Variants in PLA2G4B observed in about 807,000 individuals in gnomAD.
PLA2G4B encodes the protein phospholipase A2 group IVB, also known as cytosolic phospholipase A2 beta.
In PLA2G4B, 122 loss-of-function variants were observed where a neutral mutation model predicts 95.8. The observed-to-expected ratio is 1.27, with a 90% CI of 1.10 to 1.48. The LOEUF is 1.48. Among genes scored for constraint, PLA2G4B ranks in the 40% most tolerant of loss-of-function variants. The pLI, the probability that PLA2G4B is intolerant of heterozygous loss-of-function variation, is 0.00. For synonymous variants in PLA2G4B, 518 were observed against 421.5 expected (o/e 1.23, Z -2.80); for missense variants, 1,158 against 996.2 (o/e 1.16, Z -2.19).
At chr15:41,844,714 C>G (rs1033288640) in intron 12 of PLA2G4B, 107 bp downstream of exon 12, 2 of 1,584,488 alleles carry the variant, frequency 1.3e-6, no homozygotes, top group Non-Finnish European at 1.7e-6. Flanking sequence ...AATGAATGTG[C>G]CAGGGAGAAA....
intron 8 of PLA2G4B, 56 bp downstream of exon 8, chr15:41,842,005 C>T (rs2065440545): frequency 7.6e-6 from 12 of 1,580,244 alleles, no homozygotes; most frequent in South Asian, 1.2e-5. Context: ...CCTCCCTCTG[C>T]ACCTCCTCCC....
Position 41,840,765 on chromosome 15 carries a change from C to A in PLA2G4B, c.220-9C>A. 1 of 1,613,126 alleles carries A rather than the reference C, an allele frequency of 6.2e-7. No homozygotes were observed. The highest frequency in any genetic ancestry group is 8.5e-7 in the Non-Finnish European group (1 of 1,179,324). On this transcript the variant is annotated splice_polypyrimidine_tract_variant and intron_variant, in intron 3 of 19. Coordinates refer to ENST00000458483, the MANE Select transcript of PLA2G4B (RefSeq NM_001114633.2). ...CCTCCTGCAGCCCTGTCACTCTTTT[C>A]CCCTCCAGAATGTCATGGAACTGAA...
intron 11 of PLA2G4B, 110 bp from the exon 12 acceptor site, chr15:41,844,361 C>A: frequency 1.3e-6 from 2 of 1,551,508 alleles, no homozygotes; most frequent in Non-Finnish European, 1.8e-6. Context: ...GACCTGTGAT[C>A]AGGCCTTAGC....
rs981223433 is a variant in PLA2G4B at position 41,845,275 on chromosome 15, G to A, written c.1312G>A (p.Ala438Thr). The A allele has an allele frequency of 3.1e-6, 5 of 1,614,068 alleles. No individual in the cohort carries two copies. The highest frequency in any genetic ancestry group is 2.7e-5 in the African/African-American group (2 of 74,936). ...HGQNPLPIYC[A>T]LNTKGQSLTT... Reference sequence around the variant, plus strand: ...CCAGAACCCTCTGCCCATCTACTGTGCCCTCAACACCAAAGGGCAGAGCCT... The same window carrying A: ...CCAGAACCCTCTGCCCATCTACTGTACCCTCAACACCAAAGGGCAGAGCCT... The change falls in exon 14 of 20, where the codon GCC (alanine) becomes ACC (threonine). Residue 438 changes from alanine to threonine, a missense_variant. Coordinates refer to ENST00000458483, the MANE Select transcript of PLA2G4B (RefSeq NM_001114633.2).
chr15:41,848,039 A>C lies in PLA2G4B; in HGVS notation c.*179A>C, dbSNP rs1263193883. Reference sequence around the variant, plus strand: ...CAGTTTGCAGTGGGGTAAGGAGGCCAAGCCCATTTGTGTAATCACCCAAAA... The same window carrying C: ...CAGTTTGCAGTGGGGTAAGGAGGCCCAGCCCATTTGTGTAATCACCCAAAA... On this transcript the variant is annotated 3_prime_UTR_variant, in exon 20 of 20. Transcript: ENST00000458483. 3.7e-6 allele frequency: 3 copies of C among 819,284 alleles called. No homozygotes were observed. Among genetic ancestry groups the C allele is most frequent in the East Asian group, 2.7e-5 (1 of 37,270 alleles). 50.8% of individuals were successfully genotyped at this position (819,284 alleles called of 1,614,324 possible). A position where few individuals can be genotyped will look rare whatever the true frequency, so the allele number is the denominator to read the frequency against.
Position 41,843,735 on chromosome 15 carries a change from T to A in PLA2G4B, c.803T>A (p.Leu268Gln), listed in dbSNP as rs1215316608. The A allele has an allele frequency of 1.2e-6, 2 of 1,613,966 alleles. No individual in the cohort carries two copies. The highest frequency in any genetic ancestry group is 2.7e-5 in the African/African-American group (2 of 74,942). Residue 268 changes from leucine (L) to glutamine (Q), a missense_variant, in exon 11 of 20, where the codon CTG becomes CAG. Leu to Gln is a moderately radical substitution (Grantham distance 113). Coordinates refer to ENST00000458483, the MANE Select transcript of PLA2G4B (RefSeq NM_001114633.2). ...CCCTGTGCAGAGGAGCAGGCCTTCCTGAGCAGGAGGAAGCAGGTGGTGGCC... is the reference window on the plus strand; with the variant it reads ...CCCTGTGCAGAGGAGCAGGCCTTCCAGAGCAGGAGGAAGCAGGTGGTGGCC... ...FGPCAEEQAF[L>Q]SRRKQVVAAA... is the part of the protein sequence containing the mutation.
chr15:41,846,741 A>G lies in PLA2G4B; in HGVS notation c.1853A>G (p.Tyr618Cys), dbSNP rs777923616. The change falls in exon 18 of 20, where the codon TAC (tyrosine) becomes TGC (cysteine). Residue 618 changes from tyrosine (Y) to cysteine (C), a missense_variant. Coordinates refer to ENST00000458483, the MANE Select transcript of PLA2G4B (RefSeq NM_001114633.2). ...EPHLCLLDVG[Y>C]LINTSCLPLL... ...CACCTGTGCCTGCTGGATGTTGGCT[A>G]CCTCATCAATACCAGCTGCCTGCCC... is the stretch of plus-strand genomic sequence containing the variant. 1.9e-6 allele frequency: 3 copies of G among 1,613,756 alleles called. No homozygotes were observed. The highest frequency in any genetic ancestry group is 1.1e-5 in the South Asian group (1 of 91,058).
intron 10 of PLA2G4B, 56 bp from the exon 11 acceptor site, chr15:41,843,620 T>A: frequency 1.3e-6 from 2 of 1,584,558 alleles, no homozygotes; most frequent in Middle Eastern, 1.7e-4. Flanking sequence ...GACCCAGCTT[T>A]CCATTCTCTG....
At chr15:41,840,349 A>T in intron 2 of PLA2G4B, 119 bp downstream of exon 2, 1 of 1,571,028 alleles carries the variant, frequency 6.4e-7, no homozygotes, top group Non-Finnish European at 8.6e-7. Context: ...GGCCTAGAGG[A>T]GGGAGCTGAG....
rs1334685941 is a variant in PLA2G4B, at chr15:41,847,584, T to C, written c.2134+61T>C. The C allele has an allele frequency of 2.5e-6, 4 of 1,610,162 alleles. No homozygotes were observed. The East Asian group carries it at 6.7e-5, about 27-fold the overall frequency. On this transcript the variant is annotated intron_variant, in intron 19 of 19. Transcript: ENST00000458483. ...AGTCCCCCACACCTCCTCCGTCCCCTGTGCCTCTCCAAACCTGTCTTCCCC... is the reference window on the plus strand; with the variant it reads ...AGTCCCCCACACCTCCTCCGTCCCCCGTGCCTCTCCAAACCTGTCTTCCCC...
At position 41,839,020 on chromosome 15, in the gene PLA2G4B, G is replaced by C. The variant is rs1324157915; in HGVS notation, c.9+98G>C. 18 of 1,000,174 alleles carry C rather than the reference G, an allele frequency of 1.8e-5. No homozygotes were observed. The South Asian group carries it at 2.6e-4, about 15-fold the overall frequency. 62.0% of individuals were successfully genotyped at this position (1,000,174 alleles called of 1,614,324 possible). A position where few individuals can be genotyped will look rare whatever the true frequency, so the allele number is the denominator to read the frequency against. On this transcript the variant is annotated intron_variant, in intron 1 of 19. Coordinates refer to ENST00000458483, the MANE Select transcript of PLA2G4B (RefSeq NM_001114633.2). Reference sequence around the variant, plus strand: ...TTATGGGAGCTGTGGTCTTCTCCAGGGGTAGGGAGGGGAGTTTATTGACCA... The same window carrying C: ...TTATGGGAGCTGTGGTCTTCTCCAGCGGTAGGGAGGGGAGTTTATTGACCA...
rs1595425823 is a variant in PLA2G4B at position 41,846,525 on chromosome 15, C to T, written c.1780+143C>T. ...GGAACAGGGGTCTTTTTCTCCTTGT[C>T]TTGGGGACCCAGGGCCCACCTGCAG... On this transcript the variant is annotated intron_variant, in intron 17 of 19. Coordinates refer to ENST00000458483, the MANE Select transcript of PLA2G4B (RefSeq NM_001114633.2). 13 of 1,503,600 alleles carry T rather than the reference C, an allele frequency of 8.6e-6. No homozygotes were observed. In the East Asian group the frequency reaches 1.6e-4, roughly 18 times the overall value. The allele number at this position is 1,503,600 out of a possible 1,614,324, so 93.1% of individuals were successfully genotyped here.
In PLA2G4B at chr15:41,843,702, G is replaced by A. The variant is rs1262067452; in HGVS notation, c.770G>A (p.Gly257Asp). ...AGLRELAVRL[G>D]FGPCAEEQAF... is the part of the protein sequence containing the mutation. ...CTGAGGGAGCTGGCCGTGCGACTGG[G>A]CTTCGGGCCCTGTGCAGAGGAGCAG... Residue 257 changes from glycine (G) to aspartate (D), a missense_variant, in exon 11 of 20, where the codon GGC becomes GAC. By Grantham distance (94) the Gly-to-Asp change is moderately conservative (BLOSUM62 -1). Transcript: ENST00000458483. 10 of 1,613,862 alleles carry A rather than the reference G, an allele frequency of 6.2e-6. No individual in the cohort carries two copies. Among genetic ancestry groups the A allele is most frequent in the Admixed American group, 1.7e-5 (1 of 60,016 alleles).
In PLA2G4B at chr15:41,844,605, C is replaced by T. The variant is rs1324456747; in HGVS notation, c.1014C>T (p.Thr338=). The part of the protein sequence containing the change: ...VSYITGASGS[T]WALANLYEDP... ...ACATCACCGGGGCCTCGGGCTCCAC[C>T]TGGTGAGCTGGGGGCAGGCTGATGC... Residue 338 remains threonine (T), a splice_region_variant and synonymous_variant, in exon 12 of 20, where the codon ACC becomes ACT. Coordinates refer to ENST00000458483, the MANE Select transcript of PLA2G4B (RefSeq NM_001114633.2). 6.2e-7 allele frequency: 1 copy of T among 1,614,004 alleles called. No individual in the cohort carries two copies. Among genetic ancestry groups the T allele is most frequent in the African/African-American group, 1.3e-5 (1 of 74,924 alleles).
rs765915677 is a variant in PLA2G4B at position 41,841,514 on chromosome 15, C to T, written c.436-3C>T. On this transcript the variant is annotated splice_polypyrimidine_tract_variant and splice_region_variant and intron_variant, in intron 6 of 19. Coordinates refer to ENST00000458483, the MANE Select transcript of PLA2G4B (RefSeq NM_001114633.2). ...TGTCTGAGGGGCTGTCTTCATGACT[C>T]AGGCCCGGGAGCTCTCCTGCTTGCA... 1.9e-6 allele frequency: 3 copies of T among 1,614,068 alleles called. No individual in the cohort carries two copies. The highest frequency in any genetic ancestry group is 1.7e-4 in the Middle Eastern group (1 of 6,058).
At chr15:41,843,583 A>G (rs1000581476) in intron 10 of PLA2G4B, 93 bp from the exon 11 acceptor site, 4 of 1,528,788 alleles carry the variant, frequency 2.6e-6, no homozygotes, top group East Asian at 2.3e-5. Context: ...GAGAAGAGGG[A>G]GGGCAGTAGG....
intron 14 of PLA2G4B, 73 bp downstream of exon 14, chr15:41,845,393 G>A: frequency 1.9e-6 from 3 of 1,544,850 alleles, no homozygotes; most frequent in Non-Finnish European, 1.8e-6. Flanking sequence ...ACTGTGTGCA[G>A]ATTGCAGATG....
Position 41,847,646 on chromosome 15 carries a change from C to A in PLA2G4B, c.2135-3C>A, listed in dbSNP as rs766967556. 6.2e-7 allele frequency: 1 copy of A among 1,613,628 alleles called. No homozygotes were observed. Among genetic ancestry groups the A allele is most frequent in the Non-Finnish European group, 8.5e-7 (1 of 1,180,024 alleles). Reference sequence around the variant, plus strand: ...CCCATGCCAGGCTGCACTCTCTCCACAGGGGTCCGGCGGACACCCGAGGAG... The same window carrying A: ...CCCATGCCAGGCTGCACTCTCTCCAAAGGGGTCCGGCGGACACCCGAGGAG... On this transcript the variant is annotated splice_region_variant and splice_polypyrimidine_tract_variant and intron_variant, in intron 19 of 19. Transcript: ENST00000458483.
In PLA2G4B at chr15:41,842,591, G is replaced by A. The variant is rs1567170295; in HGVS notation, c.743G>A (p.Gly248Glu). 6.2e-7 allele frequency: 1 copy of A among 1,608,656 alleles called. No homozygotes were observed. The highest frequency in any genetic ancestry group is 1.1e-5 in the South Asian group (1 of 90,538). ...LMRVELKKEA[G>E]LRELAVRLGF... ...AGAGTGGAGCTGAAAAAAGAAGCAG[G>A]GTGAGAGGCCTGGCTGGGGACTGGG... The change falls in exon 10 of 20, where the codon GGA becomes GAA. Residue 248 changes from glycine to glutamate, a missense_variant and splice_region_variant. Physicochemically the swap from Gly to Glu is moderately conservative, Grantham distance 98. Coordinates refer to ENST00000458483, the MANE Select transcript of PLA2G4B (RefSeq NM_001114633.2).
Sources: allele counts gnomAD v4.1 joint callset, GRCh38; gene constraint gnomAD v4.1.1; transcripts MANE v1.5; gene names NCBI Gene and HGNC (gene_info 2026-07-23, HGNC 2026-07-21).